The following RBFOX1 variants were observed in gnomAD, a reference collection of about 807,000 sequenced individuals.
RBFOX1 encodes RNA binding protein fox-1 homolog 1.
RBFOX1 carries 8 observed loss-of-function variants against 57.7 expected under a neutral mutation model. The ratio of observed to expected loss-of-function variants is 0.14; its 90% CI spans 0.08 to 0.25. RBFOX1 has a LOEUF of 0.25. Among genes scored for constraint, RBFOX1 ranks in the 10% least tolerant of loss-of-function variants. The pLI is 1.00. For synonymous variants in RBFOX1, 326 were observed against 222.4 expected (o/e 1.47, Z -4.15); for missense variants, 611 against 548.5 (o/e 1.11, Z -1.14).
intron 2 of RBFOX1, among the ~76,000 whole-genome samples, chr16:5,590,076 C>CAAA (rs1438028185): frequency 7.7e-4 from 71 of 92,692 alleles, no homozygotes; most frequent in Middle Eastern, 6.5e-3. Flanking sequence ...CACACACACA[C>CAAA]AAAAAGGGCA....
intron 4 of RBFOX1, among the ~76,000 whole-genome samples, chr16:7,184,476 T>G (rs910247665): frequency 6.6e-6 from 1 of 152,220 alleles, no homozygotes; most frequent in African/African-American, 2.4e-5. Context: ...GCATGCATGT[T>G]TTTACCTCCT....
chr16:6,847,146 G>C (rs1016585413), intron 3 of RBFOX1, among the ~76,000 whole-genome samples: 13 of 152,094 alleles, frequency 8.5e-5, no homozygotes, highest in South Asian at 2.1e-4. Flanking sequence ...CTCCTGTCTT[G>C]CGGCCATTAA....
Position 6,980,359 on chromosome 16 carries a change from C to T in RBFOX1, c.-15-71698C>T, listed in dbSNP as rs563660998. 6.0e-3 allele frequency among the ~76,000 whole-genome samples: 914 copies of T among 152,104 alleles called. 4 individuals are homozygous for T. Among genetic ancestry groups the T allele is most frequent in the Non-Finnish European group, 9.4e-3 (641 of 68,000 alleles). ...TTCCAGATGAGGACTAACATGTAAC[C>T]ATTTCTTTTGTTTTCTAATCTTATC... On this transcript the variant is annotated intron_variant, in intron 3 of 15. Coordinates refer to ENST00000550418, the MANE Select transcript of RBFOX1 (RefSeq NM_018723.4).
intron 1 of RBFOX1, among the ~76,000 whole-genome samples, chr16:5,377,323 T>C (rs1014197867): frequency 6.6e-6 from 1 of 151,374 alleles, no homozygotes; most frequent in African/African-American, 2.5e-5. Context: ...GGAACTACTT[T>C]TCATGGAGAA....
At chr16:6,424,903 T>C (rs988946234) in intron 2 of RBFOX1, among the ~76,000 whole-genome samples, 1 of 152,192 alleles carries the variant, frequency 6.6e-6, no homozygotes, top group South Asian at 2.1e-4. Flanking sequence ...TGTTTTACTT[T>C]CGTTTTGAAA....
chr16:6,903,571 G>C (rs868552967), intron 3 of RBFOX1, among the ~76,000 whole-genome samples: 1 of 152,108 alleles, frequency 6.6e-6, no homozygotes, highest in Non-Finnish European at 1.5e-5. Context: ...AAGGTGCCCC[G>C]CAATCACTTA....
intron 4 of RBFOX1, among the ~76,000 whole-genome samples, chr16:7,308,571 G>A (rs1160349057): frequency 2.0e-5 from 3 of 152,212 alleles, no homozygotes; most frequent in African/African-American, 4.8e-5. Context: ...CCCACTTAAT[G>A]ATGATCCATG....
chr16:5,932,396 A>G (rs1379515738), intron 4 of RBFOX1, among the ~76,000 whole-genome samples: 4 of 152,172 alleles, frequency 2.6e-5, no homozygotes, highest in Non-Finnish European at 5.9e-5. Flanking sequence ...ACGGGAATGA[A>G]TATTGAGGCA....
intron 3 of RBFOX1, among the ~76,000 whole-genome samples, chr16:6,993,395 G>A (rs1335275715): frequency 6.6e-6 from 1 of 152,166 alleles, no homozygotes; most frequent in Non-Finnish European, 1.5e-5. Flanking sequence ...AAATTCATTT[G>A]CTTGGGTTCA....
chr16:7,256,792 G>C (rs916639716), intron 4 of RBFOX1, among the ~76,000 whole-genome samples: 9 of 152,102 alleles, frequency 5.9e-5, no homozygotes, highest in African/African-American at 1.9e-4. Flanking sequence ...TTCGAATCTT[G>C]GACCAGTCAC....
chr16:6,642,072 C>G (rs1043242037), intron 2 of RBFOX1, among the ~76,000 whole-genome samples: 2 of 152,120 alleles, frequency 1.3e-5, no homozygotes, highest in Non-Finnish European at 2.9e-5. Context: ...GAGGGTGCAG[C>G]TACGGAGAGG....
At chr16:6,348,773 G>A (rs1432039646) in intron 2 of RBFOX1, among the ~76,000 whole-genome samples, 3 of 151,892 alleles carry the variant, frequency 2.0e-5, no homozygotes, top group African/African-American at 7.3e-5. Flanking sequence ...CATTCATGAA[G>A]GATCCACACC....
chr16:6,617,884 C>T (rs1235283089), intron 2 of RBFOX1, among the ~76,000 whole-genome samples: 1 of 152,102 alleles, frequency 6.6e-6, no homozygotes, highest in Non-Finnish European at 1.5e-5. Flanking sequence ...CCATGGAGGT[C>T]TAGAAGTGTC....
chr16:6,592,714 G>T (rs985847529), intron 2 of RBFOX1, among the ~76,000 whole-genome samples: 4 of 152,164 alleles, frequency 2.6e-5, no homozygotes, highest in African/African-American at 9.7e-5. Context: ...GTGTGTGTGT[G>T]TACCCACCTG....
intron 2 of RBFOX1, among the ~76,000 whole-genome samples, chr16:6,650,888 T>C (rs17665477): frequency 0.4 from 60,626 of 152,032 alleles, 13,220 homozygotes; most frequent in South Asian, 0.53. Context: ...TAATGTTTTT[T>C]GGTTGTTTAA....
intron 4 of RBFOX1, among the ~76,000 whole-genome samples, chr16:7,054,545 T>TGTGGGG (rs1555823215): frequency 9.2e-6 from 1 of 108,404 alleles, no homozygotes; most frequent in Non-Finnish European, 2.0e-5. Flanking sequence ...CAAACCTGGG[T>TGTGGGG]GGGGGGGCAT....
intron 2 of RBFOX1, among the ~76,000 whole-genome samples, chr16:5,594,580 A>G (rs939385220): frequency 6.6e-6 from 1 of 152,222 alleles, no homozygotes; most frequent in African/African-American, 2.4e-5. Context: ...ACAGGGAGAC[A>G]CTGGGAGAGG....
chr16:6,142,216 A>AAAAT (rs2096722755), intron 1 of RBFOX1, among the ~76,000 whole-genome samples: 2 of 143,018 alleles, frequency 1.4e-5, no homozygotes, highest in African/African-American at 2.6e-5. Context: ...AAAAAAAAAA[A>AAAAT]TCCAACTCTT....
At chr16:6,554,815 GACACAC>G (rs765624760) in intron 2 of RBFOX1, among the ~76,000 whole-genome samples, 1 of 150,390 alleles carries the variant, frequency 6.6e-6, no homozygotes, top group African/African-American at 2.4e-5. Context: ...TAAACACACA[GACACAC>G]AGACACACAC....
Sources: allele counts gnomAD v4.1 joint callset (sites outside exome capture counted in the v4.1 genomes callset), GRCh38; gene constraint gnomAD v4.1.1; transcripts MANE v1.5; gene names NCBI Gene and HGNC (gene_info 2026-07-23, HGNC 2026-07-21).